Variants in CLSTN2 observed in about 807,000 individuals in gnomAD.
CLSTN2 encodes the protein calsyntenin 2, also known as calsyntenin-2.
Under a neutral mutation model 101.2 loss-of-function variants are expected in CLSTN2, and 48 were observed. The ratio of observed to expected loss-of-function variants is 0.47; its 90% CI spans 0.38 to 0.60. The LOEUF is 0.60. Ranked by LOEUF, CLSTN2 falls within the 20% of genes least tolerant of loss-of-function variation. The probability of loss-of-function intolerance (pLI) is 0.00; values close to 1 mark genes in which losing one functional copy is unlikely to be tolerated. For synonymous variants in CLSTN2, 481 were observed against 463.6 expected (o/e 1.04, Z -0.48); for missense variants, 1,160 against 1,238.2 (o/e 0.94, Z 0.95).
intron 2 of CLSTN2, among the ~76,000 whole-genome samples, chr3:140,261,426 T>C (rs1157287556): frequency 1.3e-5 from 2 of 152,154 alleles, no homozygotes; most frequent in Non-Finnish European, 2.9e-5. Context: ...TCACTGTCTT[T>C]TGGTTTTTGG....
chr3:140,343,474 G>A (rs1015994402), intron 2 of CLSTN2, among the ~76,000 whole-genome samples: 3 of 152,178 alleles, frequency 2.0e-5, no homozygotes, highest in Non-Finnish European at 4.4e-5. Context: ...AAGATTGCAC[G>A]TAAGTCTGTA....
chr3:140,413,747 C>T (rs188525404), intron 4 of CLSTN2, among the ~76,000 whole-genome samples: 152 of 152,214 alleles, frequency 1.0e-3, no homozygotes, highest in Non-Finnish European at 2.0e-3. Flanking sequence ...GAAAGTTCAA[C>T]ATACACAAAT....
At chr3:140,370,077 C>T (rs376602239) in intron 2 of CLSTN2, among the ~76,000 whole-genome samples, 1 of 152,206 alleles carries the variant, frequency 6.6e-6, no homozygotes. Flanking sequence ...TCATGAGTGA[C>T]AGGTGAGAGG....
chr3:140,309,552 A>G lies in CLSTN2; in HGVS notation c.233-94077A>G, dbSNP rs535289168. Among the ~76,000 whole-genome samples the G allele has an allele frequency of 1.6e-4, 25 of 152,194 alleles. No individual in the cohort carries two copies. In the South Asian group the frequency reaches 4.6e-3, roughly 28 times the overall value. ...GGGCAAGTGTTATCACAAGCAGGGCATAGGTGATGGCAATGCAGGCAGGCC... is the reference window on the plus strand; with the variant it reads ...GGGCAAGTGTTATCACAAGCAGGGCGTAGGTGATGGCAATGCAGGCAGGCC... On this transcript the variant is annotated intron_variant, in intron 2 of 16. Transcript: ENST00000458420.
chr3:140,084,845 A>G (rs2008655203), intron 1 of CLSTN2, among the ~76,000 whole-genome samples: 1 of 152,224 alleles, frequency 6.6e-6, no homozygotes, highest in African/African-American at 2.4e-5. Flanking sequence ...CAGAGAATAC[A>G]GTACCCTCCT....
intron 2 of CLSTN2, among the ~76,000 whole-genome samples, chr3:140,216,111 T>A (rs2010917369): frequency 6.6e-6 from 1 of 152,178 alleles, no homozygotes; most frequent in Non-Finnish European, 1.5e-5. Context: ...GCATGAACCC[T>A]ATTGTGAACC....
At chr3:140,467,660 T>A (rs1004212279) in intron 8 of CLSTN2, among the ~76,000 whole-genome samples, 2 of 152,110 alleles carry the variant, frequency 1.3e-5, no homozygotes, top group African/African-American at 4.8e-5. Flanking sequence ...CTTCTTTACT[T>A]CGTCCAAAGC....
rs111922239 is a variant in CLSTN2, at chr3:140,466,795, A to G, written c.1344+64A>G. ...CTGCGGGGGTGGCCAGTCCAATCCA[A>G]TGGTGATGGCAGTGGGGAGGCACTG... On this transcript the variant is annotated intron_variant, in intron 8 of 16. Transcript: ENST00000458420. 5.7e-5 allele frequency: 92 copies of G among 1,605,402 alleles called. 1 individual carries two copies. In the African/African-American group the frequency reaches 7.6e-4, roughly 13 times the overall value.
chr3:140,319,145 G>A (rs1176535443), intron 2 of CLSTN2, among the ~76,000 whole-genome samples: 2 of 152,116 alleles, frequency 1.3e-5, no homozygotes, highest in South Asian at 2.1e-4. Context: ...GATCGATTAG[G>A]ATTTTTCTGA....
chr3:140,019,803 G>C (rs10433430), intron 1 of CLSTN2, among the ~76,000 whole-genome samples: 4 of 151,794 alleles, frequency 2.6e-5, no homozygotes, highest in African/African-American at 9.7e-5. Context: ...AGAGTGGAAA[G>C]ATACTTAGGC....
intron 1 of CLSTN2, among the ~76,000 whole-genome samples, chr3:140,118,559 T>C (rs963586442): frequency 6.9e-6 from 1 of 145,598 alleles, no homozygotes; most frequent in Non-Finnish European, 1.5e-5. Flanking sequence ...AATGGGCATA[T>C]GTCAGTGGGT....
chr3:140,040,828 G>A (rs1364807470), intron 1 of CLSTN2, among the ~76,000 whole-genome samples: 4 of 152,160 alleles, frequency 2.6e-5, no homozygotes, highest in African/African-American at 9.7e-5. Context: ...TATTGAAGGG[G>A]AGAGGGTATT....
intron 2 of CLSTN2, among the ~76,000 whole-genome samples, chr3:140,182,920 G>C (rs180791152): frequency 7.0e-4 from 107 of 152,322 alleles, no homozygotes; most frequent in African/African-American, 2.4e-3. Context: ...AAAGCCCATG[G>C]AGGAAAGCTG....
Position 140,075,602 on chromosome 3 carries a change from G to C in CLSTN2, c.110-100349G>C, listed in dbSNP as rs112961840. ...TATCTCTGCTCCTTATGCCATCCCT[G>C]CTCAGGTGGTGTCAATTTCTCCATT... On this transcript the variant is annotated intron_variant, in intron 1 of 16. Coordinates refer to ENST00000458420, the MANE Select transcript of CLSTN2 (RefSeq NM_022131.3). Among the ~76,000 whole-genome samples the C allele has an allele frequency of 7.1e-3, 1,083 of 152,210 alleles. 14 individuals carry two copies. Among genetic ancestry groups the C allele is most frequent in the African/African-American group, 0.025 (1,029 of 41,524 alleles).
chr3:140,143,569 G>A (rs889710498), intron 1 of CLSTN2, among the ~76,000 whole-genome samples: 3 of 152,052 alleles, frequency 2.0e-5, no homozygotes, highest in Admixed American at 6.5e-5. Flanking sequence ...AATGGTTTAC[G>A]AGCTATCTGT....
intron 2 of CLSTN2, among the ~76,000 whole-genome samples, chr3:140,184,079 C>T (rs566426215): frequency 7.2e-5 from 11 of 152,288 alleles, no homozygotes; most frequent in East Asian, 1.9e-4. Context: ...TATGTCTCCA[C>T]CGGCTGTTAA....
chr3:140,395,177 A>G (rs2088166664), intron 2 of CLSTN2, among the ~76,000 whole-genome samples: 1 of 152,210 alleles, frequency 6.6e-6, no homozygotes. Flanking sequence ...AATGACTTTT[A>G]AAATAAAATA....
chr3:140,377,036 G>GAGAGAGAGAC (rs1199674479), intron 2 of CLSTN2, among the ~76,000 whole-genome samples: 1 of 19,148 alleles, frequency 5.2e-5, no homozygotes, highest in African/African-American at 8.2e-5. Flanking sequence ...GAGAGAGAGA[G>GAGAGAGAGAC]AGAGGATGTG....
At chr3:140,054,497 G>A (rs1263142486) in intron 1 of CLSTN2, among the ~76,000 whole-genome samples, 1 of 152,156 alleles carries the variant, frequency 6.6e-6, no homozygotes, top group Non-Finnish European at 1.5e-5. Flanking sequence ...TCAGTAAGGG[G>A]TGGAGATGAC....
Sources: gnomAD v4.1 joint callset for allele counts (sites outside exome capture counted in the v4.1 genomes callset) on GRCh38, gnomAD v4.1.1 for gene constraint, MANE v1.5 for transcripts, NCBI Gene and HGNC (gene_info 2026-07-23, HGNC 2026-07-21) for gene names.